Variants in KLF12 observed in about 807,000 individuals in gnomAD.
The protein encoded by KLF12 is KLF transcription factor 12.
KLF12 carries 9 observed loss-of-function variants against 37.8 expected under a neutral mutation model. The ratio of observed to expected loss-of-function variants is 0.24; its 90% CI spans 0.14 to 0.42. KLF12 has a LOEUF of 0.42. KLF12 is among the 10% of genes least tolerant of loss of function. The pLI is 1.00. For missense variants in KLF12, 411 were observed against 516.0 expected (o/e 0.80, Z 1.97); for synonymous variants, 208 against 202.1 (o/e 1.03, Z -0.25).
At chr13:73,841,616 T>C (rs1884738284) in intron 4 of KLF12, among the ~76,000 whole-genome samples, 1 of 152,162 alleles carries the variant, frequency 6.6e-6, no homozygotes, top group East Asian at 1.9e-4. Context: ...TAAATTCCTT[T>C]GTGAGGTCAA....
chr13:73,964,284 A>C (rs1891110982), intron 2 of KLF12, among the ~76,000 whole-genome samples: 1 of 152,186 alleles, frequency 6.6e-6, no homozygotes, highest in Admixed American at 6.5e-5. Flanking sequence ...CACAAATATT[A>C]ATAAGTAGGT....
At chr13:74,241,202 C>T in the KLF12 span, among the ~76,000 whole-genome samples, 2 of 152,180 alleles carry the variant, frequency 1.3e-5, no homozygotes, top group Non-Finnish European at 2.9e-5. Flanking sequence ...AGTACCCAGC[C>T]ATGTGAGGTG....
intron 6 of KLF12, among the ~76,000 whole-genome samples, chr13:73,719,423 C>CAAAAA (rs368511840): frequency 6.9e-6 from 1 of 144,464 alleles, no homozygotes. Context: ...TGTGGGCATT[C>CAAAAA]AAAAAAAAAA....
At chr13:74,283,294 G>A in the KLF12 span, among the ~76,000 whole-genome samples, 3 of 152,172 alleles carry the variant, frequency 2.0e-5, no homozygotes, top group Admixed American at 2.0e-4. Context: ...CAAGTAAGAT[G>A]CTTTCCTTTG....
At chr13:73,700,116 A>C (rs1416548243) in intron 7 of KLF12, among the ~76,000 whole-genome samples, 4 of 151,976 alleles carry the variant, frequency 2.6e-5, no homozygotes, top group Admixed American at 6.6e-5. Flanking sequence ...TCAAATAAAT[A>C]AATCAGCTGG....
At chr13:74,068,558 C>CT (rs71115634) in intron 1 of KLF12, among the ~76,000 whole-genome samples, 25,329 of 135,076 alleles carry the variant, frequency 0.19, 2,703 homozygotes, top group Middle Eastern at 0.26. Context: ...AAATTTTTTT[C>CT]TTTTTTTTTT....
At chr13:73,866,212 G>A (rs1452419000) in intron 3 of KLF12, among the ~76,000 whole-genome samples, 3 of 152,090 alleles carry the variant, frequency 2.0e-5, no homozygotes, top group African/African-American at 4.8e-5. Context: ...CTGAGATCAC[G>A]CCACTGCACT....
At chr13:73,941,121 C>T (rs758175897) in intron 3 of KLF12, among the ~76,000 whole-genome samples, 1 of 152,354 alleles carries the variant, frequency 6.6e-6, no homozygotes, top group Non-Finnish European at 1.5e-5. Context: ...AGTACCAAAA[C>T]TAGGTTTTTC....
At chr13:74,169,279 A>G in the KLF12 span, among the ~76,000 whole-genome samples, 1 of 152,252 alleles carries the variant, frequency 6.6e-6, no homozygotes, top group Non-Finnish European at 1.5e-5. Flanking sequence ...TAATAAAATA[A>G]TAATCACTAT....
chr13:74,234,374 G>A, the KLF12 span, among the ~76,000 whole-genome samples: 6 of 152,122 alleles, frequency 3.9e-5, no homozygotes, highest in African/African-American at 4.8e-5. Context: ...CAAAAACTGT[G>A]TGAATCTAAG....
chr13:74,170,223 G>C, the KLF12 span, among the ~76,000 whole-genome samples: 7 of 152,088 alleles, frequency 4.6e-5, no homozygotes, highest in Admixed American at 1.3e-4. Flanking sequence ...TTATAAAAAT[G>C]GTTTTCATGG....
chr13:73,938,933 C>T (rs1890069577), intron 3 of KLF12, among the ~76,000 whole-genome samples: 2 of 152,204 alleles, frequency 1.3e-5, no homozygotes, highest in South Asian at 4.1e-4. Context: ...AAAGAGGCAT[C>T]AGGCTCGCTT....
upstream of KLF12, among the ~76,000 whole-genome samples, chr13:74,136,782 A>T (rs1878569561): frequency 1.1e-5 from 1 of 91,924 alleles, no homozygotes; most frequent in African/African-American, 9.0e-5. Context: ...TGTGTGGTTA[A>T]AAAAAAAAAA....
intron 3 of KLF12, among the ~76,000 whole-genome samples, chr13:73,916,879 T>G (rs1367119606): frequency 1.3e-5 from 2 of 152,208 alleles, no homozygotes; most frequent in Non-Finnish European, 2.9e-5. Context: ...GCTCCTGTAG[T>G]TATATAATTG....
Position 73,953,318 on chromosome 13 carries a change from T to TA in KLF12, c.34-9249dup, listed in dbSNP as rs200131222. 4.7e-3 allele frequency among the ~76,000 whole-genome samples: 695 copies of TA among 147,554 alleles called. 33 individuals are homozygous for TA. In the East Asian group the frequency reaches 0.086, roughly 18 times the overall value. On this transcript the variant is annotated intron_variant, in intron 2 of 7. Transcript: ENST00000377669. ...ATGGAAATACAAGTTTGGTTAAAAT[T>TA]AAAAAAAAAAATGCTATCAACCAAT...
chr13:74,001,861 T>C (rs1464746444), intron 1 of KLF12, among the ~76,000 whole-genome samples: 2 of 152,194 alleles, frequency 1.3e-5, no homozygotes, highest in East Asian at 1.9e-4. Flanking sequence ...TAAATGAAAT[T>C]TGCATTCTCA....
At chr13:74,244,454 A>G in the KLF12 span, among the ~76,000 whole-genome samples, 2 of 152,192 alleles carry the variant, frequency 1.3e-5, no homozygotes, top group Non-Finnish European at 1.5e-5. Context: ...AGCTTACACC[A>G]TCACAAGTTG....
chr13:73,995,158 T>C (rs1787089448), intron 1 of KLF12, 105 bp from the exon 2 acceptor site: 1 of 723,368 alleles, frequency 1.4e-6, no homozygotes, highest in Non-Finnish European at 2.3e-6. Context: ...TTCCTTAAGC[T>C]CGTGATCATA....
chr13:73,966,348 A>G (rs1891171257), intron 2 of KLF12, among the ~76,000 whole-genome samples: 1 of 152,212 alleles, frequency 6.6e-6, no homozygotes, highest in South Asian at 2.1e-4. Context: ...TAATGAGTCT[A>G]TAATGAACAT....
Sources: gnomAD v4.1 joint callset for allele counts (sites outside exome capture counted in the v4.1 genomes callset) on GRCh38, gnomAD v4.1.1 for gene constraint, MANE v1.5 for transcripts, NCBI Gene and HGNC (gene_info 2026-07-23, HGNC 2026-07-21) for gene names.